RSPO3: variants seen among roughly 807,000 people sequenced by gnomAD.
RSPO3 encodes the protein R-spondin 3, also known as R-spondin-3.
A neutral mutation model predicts 36.5 loss-of-function variants in RSPO3; 17 were observed. The ratio of observed to expected loss-of-function variants is 0.47; its 90% CI spans 0.32 to 0.70. The LOEUF (loss-of-function observed/expected upper bound fraction) is 0.70, where lower values mean the gene tolerates loss of function less well. Ranked by LOEUF, RSPO3 falls within the 30% of genes least tolerant of loss-of-function variation. The pLI is 0.04. For synonymous variants in RSPO3, 108 were observed against 107.0 expected (o/e 1.01, Z -0.06); for missense variants, 294 against 322.5 (o/e 0.91, Z 0.68).
rs549149468 is a variant in RSPO3 at position 127,144,901 on chromosome 6, C to T, written c.98-3747C>T. 5.9e-5 allele frequency among the ~76,000 whole-genome samples: 9 copies of T among 152,082 alleles called. No homozygotes were observed. In the South Asian group the frequency reaches 1.0e-3, roughly 18 times the overall value. On this transcript the variant is annotated intron_variant, in intron 1 of 4. Coordinates refer to ENST00000356698, the MANE Select transcript of RSPO3 (RefSeq NM_032784.5). ...CCTCCCAAAATGCTGGGATTAGAGG[C>T]GTGAGCCACCGTGCCAGGCCCAGTA... is the stretch of plus-strand genomic sequence containing the variant.
intron 1 of RSPO3, among the ~76,000 whole-genome samples, chr6:127,130,321 T>G (rs1284253539): frequency 6.6e-6 from 1 of 152,132 alleles, no homozygotes; most frequent in Non-Finnish European, 1.5e-5. Context: ...CAGTGGTAAG[T>G]TTCAAATTCC....
intron 1 of RSPO3, among the ~76,000 whole-genome samples, chr6:127,128,079 T>C (rs1411316220): frequency 1.3e-5 from 2 of 152,108 alleles, no homozygotes; most frequent in Non-Finnish European, 2.9e-5. Context: ...CAAGAAAAGA[T>C]TAATGTAGGC....
chr6:127,144,780 C>T (rs556504992), intron 1 of RSPO3, among the ~76,000 whole-genome samples: 2 of 151,568 alleles, frequency 1.3e-5, no homozygotes, highest in African/African-American at 4.9e-5. Flanking sequence ...CACCACCACA[C>T]TGGGCTAATT....
intron 4 of RSPO3, among the ~76,000 whole-genome samples, chr6:127,178,027 C>T (rs1213871040): frequency 1.3e-5 from 2 of 151,620 alleles, no homozygotes; most frequent in East Asian, 3.9e-4. Context: ...GCCTGGTATT[C>T]ATTGAATATT....
intron 4 of RSPO3, among the ~76,000 whole-genome samples, chr6:127,177,231 T>A (rs1775074065): frequency 6.6e-6 from 1 of 151,908 alleles, no homozygotes. Context: ...TTCTTGGGAA[T>A]AAGCCAGTGA....
chr6:127,139,310 T>C (rs1289908377), intron 1 of RSPO3, among the ~76,000 whole-genome samples: 1 of 152,218 alleles, frequency 6.6e-6, no homozygotes, highest in African/African-American at 2.4e-5. Flanking sequence ...TGTTTACTTA[T>C]GCTAAGACCT....
chr6:127,133,234 A>C (rs965812015), intron 1 of RSPO3, among the ~76,000 whole-genome samples: 2 of 152,102 alleles, frequency 1.3e-5, no homozygotes, highest in African/African-American at 4.8e-5. Context: ...GTTGAATCCT[A>C]TTTAAATACT....
intron 2 of RSPO3, among the ~76,000 whole-genome samples, chr6:127,150,164 GAGATAT>G (rs1244484047): frequency 4.2e-5 from 6 of 141,492 alleles, no homozygotes; most frequent in South Asian, 2.1e-4. Flanking sequence ...AATATTCTTG[GAGATAT>G]ATATATATAT....
intron 1 of RSPO3, among the ~76,000 whole-genome samples, chr6:127,141,230 C>T (rs954450759): frequency 6.6e-6 from 1 of 152,148 alleles, no homozygotes; most frequent in Admixed American, 6.5e-5. Context: ...CTACTTGCAT[C>T]TATCTTTCAT....
intron 4 of RSPO3, among the ~76,000 whole-genome samples, chr6:127,194,659 G>A (rs950281013): frequency 3.9e-5 from 6 of 152,156 alleles, no homozygotes; most frequent in African/African-American, 1.4e-4. Context: ...TTTCTCCAAT[G>A]CCGACAGAAT....
At position 127,145,003 on chromosome 6, in the gene RSPO3, G is replaced by A. The variant is rs543496081; in HGVS notation, c.98-3645G>A. ...ATCTCCAACAGCCACTCCAAAGTAA[G>A]CTCCATCTATTAAGCATCACTCTCT... On this transcript the variant is annotated intron_variant, in intron 1 of 4. Coordinates refer to ENST00000356698, the MANE Select transcript of RSPO3 (RefSeq NM_032784.5). Among the ~76,000 whole-genome samples the A allele has an allele frequency of 4.6e-5, 7 of 152,098 alleles. No individual in the cohort carries two copies. In the South Asian group the frequency reaches 1.5e-3, roughly 32 times the overall value.
intron 1 of RSPO3, among the ~76,000 whole-genome samples, chr6:127,142,352 G>A (rs967578350): frequency 6.6e-5 from 10 of 152,156 alleles, no homozygotes; most frequent in Admixed American, 3.9e-4. Flanking sequence ...TTCTTGGGTT[G>A]ACTGGGCAGA....
At chr6:127,123,578 C>T (rs1773886470) in intron 1 of RSPO3, among the ~76,000 whole-genome samples, 1 of 152,088 alleles carries the variant, frequency 6.6e-6, no homozygotes, top group African/African-American at 2.4e-5. Flanking sequence ...CATGGTGACA[C>T]TATTTTAATT....
At chr6:127,156,242 G>A (rs1039467360) in intron 4 of RSPO3, among the ~76,000 whole-genome samples, 1 of 151,254 alleles carries the variant, frequency 6.6e-6, no homozygotes, top group Non-Finnish European at 1.5e-5. Flanking sequence ...TTCATATTCT[G>A]GTCTTTATAG....
intron 1 of RSPO3, among the ~76,000 whole-genome samples, chr6:127,127,636 T>C (rs1380356702): frequency 6.6e-6 from 1 of 152,088 alleles, no homozygotes; most frequent in African/African-American, 2.4e-5. Context: ...CCCACTTTCA[T>C]TGATCACTCA....
intron 4 of RSPO3, among the ~76,000 whole-genome samples, chr6:127,172,701 T>C (rs1452634445): frequency 6.6e-6 from 1 of 151,818 alleles, no homozygotes; most frequent in African/African-American, 2.4e-5. Context: ...ATATTATTTG[T>C]TTAAATGTTG....
chr6:127,158,060 C>A (rs1331241870), intron 4 of RSPO3, among the ~76,000 whole-genome samples: 3 of 151,184 alleles, frequency 2.0e-5, no homozygotes, highest in Non-Finnish European at 4.4e-5. Flanking sequence ...GAAAATTACT[C>A]ATTGTCTTGA....
intron 1 of RSPO3, among the ~76,000 whole-genome samples, chr6:127,148,367 A>T (rs1774427264): frequency 6.6e-6 from 1 of 151,402 alleles, no homozygotes. Flanking sequence ...ATATTATATG[A>T]TAAAGAGACT....
intron 1 of RSPO3, among the ~76,000 whole-genome samples, chr6:127,140,790 A>G (rs1252319602): frequency 6.6e-6 from 1 of 152,156 alleles, no homozygotes; most frequent in Non-Finnish European, 1.5e-5. Flanking sequence ...AACGCATTGC[A>G]GCCTCATTGG....
Sources: gnomAD v4.1 joint callset for allele counts (sites outside exome capture counted in the v4.1 genomes callset) on GRCh38, gnomAD v4.1.1 for gene constraint, MANE v1.5 for transcripts, NCBI Gene and HGNC (gene_info 2026-07-23, HGNC 2026-07-21) for gene names.